Variants in NLRP2 observed in about 807,000 individuals in gnomAD.
The protein encoded by NLRP2 is NACHT, LRR and PYD domains-containing protein 2.
In NLRP2, 107 loss-of-function variants were observed where a neutral mutation model predicts 97.2. The ratio of observed to expected loss-of-function variants is 1.10; its 90% CI spans 0.94 to 1.29. NLRP2 has a LOEUF of 1.29. Among genes scored for constraint, NLRP2 ranks in the 50% most tolerant of loss-of-function variants. The pLI, the probability that NLRP2 is intolerant of heterozygous loss-of-function variation, is 0.00. For synonymous variants in NLRP2, 663 were observed against 551.5 expected, an observed-to-expected ratio of 1.20 and a Z score of -2.83; for missense variants, 1,495 against 1,330.3, an observed-to-expected ratio of 1.12 and a Z score of -1.93.
At chr19:55,000,438 G>A (rs1425177600) in intron 12 of NLRP2, among the ~76,000 whole-genome samples, 8 of 150,738 alleles carry the variant, frequency 5.3e-5, no homozygotes, top group Middle Eastern at 3.4e-3. Context: ...CACCACGCCC[G>A]GCTAATTTTT....
chr19:54,970,315 C>T lies in NLRP2; in HGVS notation c.280+20C>T. ...TCAGAGGTGAGTGGAAATCGGTCCA[C>T]ACTGTGTCCTAGGAGGAAGCAGGCG... On this transcript the variant is annotated intron_variant, in intron 2 of 12. Transcript: ENST00000448584. The T allele has an allele frequency of 1.9e-6, 3 of 1,613,918 alleles. No homozygotes were observed. Among genetic ancestry groups the T allele is most frequent in the Non-Finnish European group, 2.5e-6 (3 of 1,179,846 alleles).
At chr19:54,987,578 CTAA>C (rs752028466) in intron 8 of NLRP2, among the ~76,000 whole-genome samples, 10 of 152,106 alleles carry the variant, frequency 6.6e-5, no homozygotes, top group African/African-American at 2.4e-5. Context: ...TCTGTCTCTA[CTAA>C]TAATACAAAA....
intron 11 of NLRP2, 45 bp from the exon 12 acceptor site, chr19:54,997,272 A>G: frequency 6.2e-7 from 1 of 1,605,228 alleles, no homozygotes; most frequent in Non-Finnish European, 8.5e-7. Context: ...GAGGGCATCG[A>G]TCAGCACTGG....
At position 54,990,183 on chromosome 19, in the gene NLRP2, A is replaced by G. The variant is rs1452589311; in HGVS notation, c.2528A>G (p.Gln843Arg). The change falls in exon 9 of 13, where the codon CAG becomes CGG. Residue 843 changes from glutamine (Q) to arginine (R), a missense_variant. Coordinates refer to ENST00000448584, the MANE Select transcript of NLRP2 (RefSeq NM_017852.5). ...TTGAGACACCCCAAGTGCTTTCTGC[A>G]GAGGTTGTCGTAAGTCTCTCCTCTC... ...TTLRHPKCFL[Q>R]RLSLENCHLT... is the part of the protein sequence containing the mutation. 1.9e-6 allele frequency: 3 copies of G among 1,614,128 alleles called. No homozygotes were observed. Among genetic ancestry groups the G allele is most frequent in the South Asian group, 2.2e-5 (2 of 91,084 alleles).
chr19:54,996,778 C>G (rs1252178836), intron 11 of NLRP2, among the ~76,000 whole-genome samples: 5 of 152,006 alleles, frequency 3.3e-5, no homozygotes, highest in Non-Finnish European at 7.4e-5. Context: ...CTCTATGACT[C>G]GGTCTCTTCA....
At chr19:54,973,432 A>G (rs545750474) in intron 2 of NLRP2, among the ~76,000 whole-genome samples, 6 of 145,016 alleles carry the variant, frequency 4.1e-5, no homozygotes, top group Admixed American at 1.5e-4. Context: ...CTAGAGTGCA[A>G]TGGCGCGATC....
chr19:54,969,224 A>G (rs2070687120), intron 1 of NLRP2, among the ~76,000 whole-genome samples: 1 of 152,100 alleles, frequency 6.6e-6, no homozygotes. Flanking sequence ...TTGCAATTAG[A>G]AAAACTAGCT....
chr19:54,988,912 G>A (rs1324307064), intron 8 of NLRP2, among the ~76,000 whole-genome samples: 1 of 151,808 alleles, frequency 6.6e-6, no homozygotes, highest in East Asian at 2.0e-4. Context: ...GCTCCTGCCT[G>A]TAATCCCAGT....
chr19:54,992,551 G>GGTT (rs2072550377), intron 10 of NLRP2, among the ~76,000 whole-genome samples: 1 of 23,998 alleles, frequency 4.2e-5, no homozygotes, highest in Non-Finnish European at 7.4e-5. Context: ...GGGGGGGGGG[G>GGTT]TTTTCTTTTT....
chr19:54,979,291 C>T (rs563590925), intron 4 of NLRP2, among the ~76,000 whole-genome samples: 8 of 151,646 alleles, frequency 5.3e-5, no homozygotes, highest in African/African-American at 1.9e-4. Flanking sequence ...AGCCTGTGAT[C>T]AGTTTCAGAT....
At chr19:54,992,933 C>T (rs1322748615) in intron 10 of NLRP2, among the ~76,000 whole-genome samples, 1 of 151,972 alleles carries the variant, frequency 6.6e-6, no homozygotes, top group African/African-American at 2.4e-5. Context: ...TGTGGGTTTT[C>T]CTCCATTACA....
At chr19:54,993,898 A>G in intron 10 of NLRP2, 1 of 322,248 alleles carries the variant, frequency 3.1e-6, no homozygotes, top group East Asian at 6.9e-5. Context: ...CCTTCCTCCA[A>G]CTTCGGCAGA....
At position 54,983,463 on chromosome 19, in the gene NLRP2, G is replaced by T. The variant is rs150431153; in HGVS notation, c.1765G>T (p.Asp589Tyr). 3.4e-4 allele frequency: 552 copies of T among 1,614,040 alleles called. 1 individual carries two copies. The highest frequency in any genetic ancestry group is 4.4e-4 in the Non-Finnish European group (517 of 1,180,032). The change falls in exon 6 of 13, where the codon GAC becomes TAC. Residue 589 changes from aspartate (D) to tyrosine (Y), a missense_variant. Transcript: ENST00000448584. ...PDIKQELLRC[D>Y]ISCKGGHSTV... is the part of the protein sequence containing the mutation. ...CATCAAACAGGAATTGCTGCGATGCGACATAAGTTGTAAGGGTGGACATTC... is the reference window on the plus strand; with the variant it reads ...CATCAAACAGGAATTGCTGCGATGCTACATAAGTTGTAAGGGTGGACATTC...
rs367970413 is a variant in NLRP2 at position 54,990,229 on chromosome 19, C to T, written c.2537+37C>T. 47 of 1,602,918 alleles carry T rather than the reference C, an allele frequency of 2.9e-5. No homozygotes were observed. In the Admixed American group the frequency reaches 3.2e-4, roughly 11 times the overall value. On this transcript the variant is annotated intron_variant, in intron 9 of 12. Coordinates refer to ENST00000448584, the MANE Select transcript of NLRP2 (RefSeq NM_017852.5). ...CTCTCTTACAGAGCAGCTGTGCTTT[C>T]GATCTGGGGCCACAGACGAGCAATG...
chr19:54,966,362 G>A (rs1291279748), upstream of NLRP2: 1 of 151,484 alleles, frequency 6.6e-6, no homozygotes, highest in Admixed American at 6.6e-5. Flanking sequence ...CAACGATTAC[G>A]CCCCGAGGGC....
At chr19:54,971,261 G>A (rs1052399759) in intron 2 of NLRP2, among the ~76,000 whole-genome samples, 4 of 149,678 alleles carry the variant, frequency 2.7e-5, no homozygotes, top group African/African-American at 9.8e-5. Flanking sequence ...TTGCTATTGT[G>A]AATAATGCTG....
chr19:54,978,257 G>C (rs896001210), intron 4 of NLRP2, among the ~76,000 whole-genome samples: 7 of 134,630 alleles, frequency 5.2e-5, no homozygotes, highest in Admixed American at 3.1e-4. Flanking sequence ...TTTTTGAGAC[G>C]AAGTCTTGTT....
At chr19:54,984,570 C>T (rs1295177782) in intron 6 of NLRP2, among the ~76,000 whole-genome samples, 1 of 142,128 alleles carries the variant, frequency 7.0e-6, no homozygotes, top group Non-Finnish European at 1.5e-5. Context: ...GCAACCTCCG[C>T]CCCACCAGGT....
At chr19:54,988,044 G>A (rs1253606298) in intron 8 of NLRP2, among the ~76,000 whole-genome samples, 3 of 152,006 alleles carry the variant, frequency 2.0e-5, no homozygotes, top group Non-Finnish European at 2.9e-5. Context: ...ACTCCATCTC[G>A]AGGACAGAAA....
Sources: gnomAD v4.1 joint callset for allele counts (sites outside exome capture counted in the v4.1 genomes callset) on GRCh38, gnomAD v4.1.1 for gene constraint, MANE v1.5 for transcripts, NCBI Gene and HGNC (gene_info 2026-07-23, HGNC 2026-07-21) for gene names.